The following GSE1 variants were observed in gnomAD, a reference collection of about 807,000 sequenced individuals.
GSE1 encodes genetic suppressor element 1.
In GSE1, 32 loss-of-function variants were observed where a neutral mutation model predicts 112.6. The observed-to-expected ratio is 0.28, with a 90% CI of 0.21 to 0.38. GSE1 has a LOEUF of 0.38. Among genes scored for constraint, GSE1 ranks in the 10% least tolerant of loss-of-function variants. The pLI, the probability that GSE1 is intolerant of heterozygous loss-of-function variation, is 1.00. For synonymous variants in GSE1, 1,115 were observed against 735.6 expected (o/e 1.52, Z -8.35); for missense variants, 2,348 against 1,699.2 (o/e 1.38, Z -6.71).
intron 2 of GSE1, among the ~76,000 whole-genome samples, chr16:85,537,456 G>T (rs2044369045): frequency 6.6e-6 from 1 of 152,226 alleles, no homozygotes; most frequent in African/African-American, 2.4e-5. Context: ...GGGCTGCCCG[G>T]CCGGCCCAAC....
intron 1 of GSE1, among the ~76,000 whole-genome samples, chr16:85,290,229 G>T (rs373287477): frequency 6.6e-6 from 1 of 152,116 alleles, no homozygotes; most frequent in Non-Finnish European, 1.5e-5. Flanking sequence ...CCAAGGCCCC[G>T]CCCGCACTTC....
intron 1 of GSE1, among the ~76,000 whole-genome samples, chr16:85,346,423 T>G (rs1158080927): frequency 3.4e-4 from 7 of 20,386 alleles, no homozygotes; most frequent in African/African-American, 5.1e-4. Flanking sequence ...GGATGGGTGA[T>G]GGACAGGTGG....
intron 1 of GSE1, among the ~76,000 whole-genome samples, chr16:85,269,599 G>A (rs74031759): frequency 5.4e-5 from 8 of 148,994 alleles, no homozygotes; most frequent in African/African-American, 9.7e-5. Context: ...CTGACTCCCC[G>A]GTGCTGCCTC....
chr16:85,180,182 T>C (rs2074552914), intron 1 of GSE1, among the ~76,000 whole-genome samples: 1 of 152,188 alleles, frequency 6.6e-6, no homozygotes, highest in African/African-American at 2.4e-5. Context: ...AATCGGTTGC[T>C]GGATTGGGCT....
At chr16:85,372,573 G>A (rs750927184) in intron 2 of GSE1, among the ~76,000 whole-genome samples, 2 of 151,912 alleles carry the variant, frequency 1.3e-5, no homozygotes, top group East Asian at 3.9e-4. Context: ...CCTTCTGCAC[G>A]TGGGCTGGCT....
chr16:85,627,884 C>T (rs1470053923), intron 1 of GSE1, among the ~76,000 whole-genome samples: 1 of 152,236 alleles, frequency 6.6e-6, no homozygotes, highest in Non-Finnish European at 1.5e-5. Flanking sequence ...CCCTGTGTCC[C>T]CCACGGACAC....
At chr16:85,641,345 A>T (rs1368225224) in intron 2 of GSE1, among the ~76,000 whole-genome samples, 1 of 151,066 alleles carries the variant, frequency 6.6e-6, no homozygotes, top group African/African-American at 2.4e-5. Flanking sequence ...AGAAACCCGC[A>T]CCTCCCGCTG....
intron 2 of GSE1, among the ~76,000 whole-genome samples, chr16:85,502,154 G>A (rs2051390191): frequency 6.6e-6 from 1 of 152,180 alleles, no homozygotes; most frequent in Admixed American, 6.5e-5. Flanking sequence ...TGGGTGAGAT[G>A]GGATGGAACT....
chr16:85,300,253 C>A (rs769753695), intron 1 of GSE1, among the ~76,000 whole-genome samples: 5 of 152,284 alleles, frequency 3.3e-5, no homozygotes, highest in South Asian at 2.1e-4. Context: ...CTCAGGTGAT[C>A]GTCCCACCTC....
intron 2 of GSE1, among the ~76,000 whole-genome samples, chr16:85,450,223 G>A (rs1425586837): frequency 1.4e-5 from 2 of 142,434 alleles, no homozygotes; most frequent in African/African-American, 5.2e-5. Flanking sequence ...CCGGGTTCAA[G>A]CAGTTCTGCC....
chr16:85,401,937 G>A (rs2048123892), intron 2 of GSE1, among the ~76,000 whole-genome samples: 1 of 152,226 alleles, frequency 6.6e-6, no homozygotes, highest in Admixed American at 6.5e-5. Flanking sequence ...GCACTTCTGG[G>A]GGATCCAGGT....
At chr16:85,398,152 T>C (rs774129323) in intron 2 of GSE1, among the ~76,000 whole-genome samples, 1 of 152,174 alleles carries the variant, frequency 6.6e-6, no homozygotes, top group Non-Finnish European at 1.5e-5. Context: ...AGTACCTCAG[T>C]TTCCTCATCT....
intron 1 of GSE1, among the ~76,000 whole-genome samples, chr16:85,302,391 C>G (rs553795296): frequency 6.6e-6 from 1 of 152,156 alleles, no homozygotes; most frequent in Admixed American, 6.5e-5. Flanking sequence ...CCTAATGAAT[C>G]TCTTGTCGGC....
At chr16:85,274,755 C>T (rs1387959392) in intron 1 of GSE1, among the ~76,000 whole-genome samples, 1 of 152,238 alleles carries the variant, frequency 6.6e-6, no homozygotes, top group East Asian at 1.9e-4. Flanking sequence ...GAGGCTGCTT[C>T]CAGCCTGCAC....
intron 1 of GSE1, among the ~76,000 whole-genome samples, chr16:85,279,587 C>A (rs1276611974): frequency 6.6e-6 from 1 of 152,114 alleles, no homozygotes; most frequent in Non-Finnish European, 1.5e-5. Context: ...CAGAGCAAGA[C>A]CCTGTTTCAA....
At chr16:85,423,526 A>T (rs1008466069) in intron 2 of GSE1, among the ~76,000 whole-genome samples, 2 of 151,868 alleles carry the variant, frequency 1.3e-5, no homozygotes, top group Non-Finnish European at 2.9e-5. Flanking sequence ...GCCTCAACAC[A>T]GGCTGGGGGG....
chr16:85,646,498 C>G (rs2050882101), intron 2 of GSE1, among the ~76,000 whole-genome samples: 1 of 152,228 alleles, frequency 6.6e-6, no homozygotes, highest in African/African-American at 2.4e-5. Flanking sequence ...GCTGTGATAT[C>G]ATAGAATCCA....
At chr16:85,434,960 C>T (rs2049210404) in intron 2 of GSE1, among the ~76,000 whole-genome samples, 1 of 152,224 alleles carries the variant, frequency 6.6e-6, no homozygotes, top group African/African-American at 2.4e-5. Context: ...GGCAGCAAGG[C>T]GGCTTCGTGG....
chr16:85,473,452 C>T (rs1167776330), intron 2 of GSE1, among the ~76,000 whole-genome samples: 2 of 152,144 alleles, frequency 1.3e-5, no homozygotes, highest in African/African-American at 4.8e-5. Context: ...TCTCCGAGTT[C>T]AGGAGGCTGG....
Sources: allele counts gnomAD v4.1 joint callset (sites outside exome capture counted in the v4.1 genomes callset), GRCh38; gene constraint gnomAD v4.1.1; transcripts MANE v1.5; gene names NCBI Gene and HGNC (gene_info 2026-07-23, HGNC 2026-07-21).